The following GALNT14 variants were observed in gnomAD, a reference collection of about 807,000 sequenced individuals.
The protein encoded by GALNT14 is UDP-GalNAc:polypeptide N-acetylgalactosaminyltransferase 14.
Under a neutral mutation model 77.5 loss-of-function variants are expected in GALNT14, and 60 were observed. That is an observed-to-expected ratio of 0.77 (90% confidence interval 0.63 to 0.96). The LOEUF (loss-of-function observed/expected upper bound fraction) is 0.96. GALNT14 is among the 40% of genes least tolerant of loss of function. The pLI, the probability that GALNT14 is intolerant of heterozygous loss-of-function variation, is 0.00. For missense variants in GALNT14, 710 were observed against 731.0 expected, an observed-to-expected ratio of 0.97 and a Z score of 0.33; for synonymous variants, 280 against 281.7, an observed-to-expected ratio of 0.99 and a Z score of 0.06.
chr2:31,052,371 G>C (rs953758529), intron 1 of GALNT14, among the ~76,000 whole-genome samples: 50 of 152,194 alleles, frequency 3.3e-4, no homozygotes, highest in African/African-American at 1.2e-3. Flanking sequence ...TGACAGCAGA[G>C]AGGTCACATC....
chr2:30,974,261 A>C (rs1483650201), intron 2 of GALNT14, among the ~76,000 whole-genome samples: 1 of 152,280 alleles, frequency 6.6e-6, no homozygotes, highest in South Asian at 2.1e-4. Context: ...TGTCTTCTTT[A>C]TCTCTCCATC....
At chr2:31,051,740 T>C (rs1355241943) in intron 1 of GALNT14, among the ~76,000 whole-genome samples, 1 of 152,208 alleles carries the variant, frequency 6.6e-6, no homozygotes, top group Non-Finnish European at 1.5e-5. Flanking sequence ...CTGCTGTGAC[T>C]GCCTCTGTGG....
intron 1 of GALNT14, among the ~76,000 whole-genome samples, chr2:31,019,575 A>G (rs546875916): frequency 6.6e-6 from 1 of 152,286 alleles, no homozygotes; most frequent in African/African-American, 2.4e-5. Context: ...CAAGGAGCCT[A>G]CAGTCATGAG....
At chr2:30,985,734 T>C (rs1402598138) in intron 2 of GALNT14, among the ~76,000 whole-genome samples, 1 of 152,146 alleles carries the variant, frequency 6.6e-6, no homozygotes, top group East Asian at 1.9e-4. Flanking sequence ...ACATCCTGTA[T>C]TGAAAAGTGG....
At chr2:30,970,696 T>C (rs898503003) in intron 2 of GALNT14, among the ~76,000 whole-genome samples, 6 of 152,116 alleles carry the variant, frequency 3.9e-5, no homozygotes, top group Admixed American at 6.5e-5. Flanking sequence ...CCCCAGCCTC[T>C]GTCCCTGCAG....
At chr2:31,029,191 C>T (rs567201410) in intron 1 of GALNT14, among the ~76,000 whole-genome samples, 84 of 152,236 alleles carry the variant, frequency 5.5e-4, no homozygotes, top group African/African-American at 1.9e-3. Context: ...TTCGCGGGAT[C>T]TATTTTGTCA....
intron 2 of GALNT14, among the ~76,000 whole-genome samples, chr2:30,975,088 G>A (rs1334012631): frequency 6.6e-6 from 1 of 152,232 alleles, no homozygotes; most frequent in African/African-American, 2.4e-5. Flanking sequence ...GGAAGCTGAA[G>A]TATGGAGCCA....
chr2:31,118,834 TAAG>T (rs1678244742), intron 1 of GALNT14, among the ~76,000 whole-genome samples: 1 of 152,158 alleles, frequency 6.6e-6, no homozygotes, highest in African/African-American at 2.4e-5. Context: ...CTGGATTTAA[TAAG>T]AAAATTCTGG....
chr2:30,909,088 C>T (rs992355522), downstream of GALNT14, among the ~76,000 whole-genome samples: 3 of 151,956 alleles, frequency 2.0e-5, no homozygotes, highest in Admixed American at 6.6e-5. Flanking sequence ...AAATGTTAGA[C>T]CTAAAACCAT....
intron 6 of GALNT14, among the ~76,000 whole-genome samples, chr2:30,951,874 A>T (rs949289770): frequency 1.3e-5 from 2 of 152,152 alleles, no homozygotes; most frequent in African/African-American, 4.8e-5. Flanking sequence ...CAGGAACTTC[A>T]GTTCCAGGGT....
chr2:31,092,380 C>G (rs1190595154), intron 1 of GALNT14, among the ~76,000 whole-genome samples: 1 of 152,054 alleles, frequency 6.6e-6, no homozygotes, highest in African/African-American at 2.4e-5. Flanking sequence ...CCTCATGACT[C>G]ATCACCTACC....
chr2:31,122,654 G>A (rs1678470572), intron 1 of GALNT14, among the ~76,000 whole-genome samples: 1 of 152,098 alleles, frequency 6.6e-6, no homozygotes, highest in Non-Finnish European at 1.5e-5. Flanking sequence ...GCCACACTGA[G>A]AAACAAAACA....
intron 1 of GALNT14, among the ~76,000 whole-genome samples, chr2:31,035,618 T>TACACACACAC (rs530565205): frequency 1.0e-3 from 53 of 51,238 alleles, no homozygotes; most frequent in Non-Finnish European, 1.3e-3. Flanking sequence ...CACACACACC[T>TACACACACAC]ACACACACAC....
intron 6 of GALNT14, among the ~76,000 whole-genome samples, chr2:30,953,749 A>T (rs1022853425): frequency 6.6e-6 from 1 of 152,182 alleles, no homozygotes; most frequent in African/African-American, 2.4e-5. Flanking sequence ...CAGGGTATGG[A>T]TACCTTTTAC....
chr2:30,924,941 C>A, intron 11 of GALNT14, 118 bp from the exon 12 acceptor site: 1 of 688,194 alleles, frequency 1.5e-6, no homozygotes, highest in East Asian at 2.7e-5. Context: ...ATGCTCTGTG[C>A]TCACATCTCT....
chr2:31,067,561 C>G (rs543549757), intron 1 of GALNT14, among the ~76,000 whole-genome samples: 1 of 152,260 alleles, frequency 6.6e-6, no homozygotes, highest in East Asian at 1.9e-4. Context: ...AAATAGGGTC[C>G]CTGGCTCTGC....
At chr2:30,887,158 C>T in the GALNT14 span, among the ~76,000 whole-genome samples, 1 of 152,168 alleles carries the variant, frequency 6.6e-6, no homozygotes, top group Non-Finnish European at 1.5e-5. Context: ...CCACGTTTGG[C>T]TACTGTGAAT....
intron 1 of GALNT14, among the ~76,000 whole-genome samples, chr2:31,093,297 G>A (rs1676847467): frequency 6.6e-6 from 1 of 152,196 alleles, no homozygotes; most frequent in Non-Finnish European, 1.5e-5. Context: ...AACTCTTCAT[G>A]AGGTCTGGTT....
chr2:31,044,597 G>A (rs945344558), intron 1 of GALNT14, among the ~76,000 whole-genome samples: 15 of 152,106 alleles, frequency 9.9e-5, no homozygotes, highest in African/African-American at 3.6e-4. Context: ...TTGATCCCAA[G>A]TGCTTTTGGA....
Sources: gnomAD v4.1 joint callset for allele counts (sites outside exome capture counted in the v4.1 genomes callset) on GRCh38, gnomAD v4.1.1 for gene constraint, MANE v1.5 for transcripts, NCBI Gene and HGNC (gene_info 2026-07-23, HGNC 2026-07-21) for gene names.